DDHD1: variants seen among roughly 807,000 people sequenced by gnomAD.
DDHD1 encodes DDHD domain containing 1, also known as phospholipase DDHD1.
In DDHD1, 49 loss-of-function variants were observed where a neutral mutation model predicts 96.4. That is an observed-to-expected ratio of 0.51 (90% CI 0.40 to 0.64). DDHD1 has a LOEUF of 0.64. Among genes scored for constraint, DDHD1 ranks in the 30% least tolerant of loss-of-function variants. The pLI, the probability that DDHD1 is intolerant of heterozygous loss-of-function variation, is 0.00. For synonymous variants in DDHD1, 442 were observed against 446.5 expected, an observed-to-expected ratio of 0.99 and a Z score of 0.13; for missense variants, 1,106 against 1,161.2, an observed-to-expected ratio of 0.95 and a Z score of 0.69.
rs1392989297 is a variant in DDHD1, at chr14:53,058,911, AG to A, written c.1843-286del. Among the ~76,000 whole-genome samples the A allele has an allele frequency of 2.6e-5, 4 of 152,322 alleles. No homozygotes were observed. The East Asian group carries it at 7.7e-4, about 29-fold the overall frequency. On this transcript the variant is annotated intron_variant, in intron 8 of 12. Transcript: ENST00000673822. Reference sequence around the variant, plus strand: ...GTATACACAAATCAAATATTTATTGAGGTACTACTTTGTGTGAAGTAATACA... The same window carrying A: ...GTATACACAAATCAAATATTTATTGAGTACTACTTTGTGTGAAGTAATACA...
intron 1 of DDHD1, among the ~76,000 whole-genome samples, chr14:53,119,539 A>G (rs748527520): frequency 1.3e-5 from 2 of 152,196 alleles, no homozygotes; most frequent in Non-Finnish European, 2.9e-5. Context: ...ATGAACATCG[A>G]TGTGAAAATC....
At position 53,041,421 on chromosome 14, in the gene DDHD1, CAAT is replaced by C. The variant is rs1881641122; in HGVS notation, c.*5344_*5346del. On this transcript the variant is annotated 3_prime_UTR_variant, in exon 13 of 13. Coordinates refer to ENST00000673822, the MANE Select transcript of DDHD1 (RefSeq NM_001160148.2). Reference sequence around the variant, plus strand: ...ACACACCAAAAAACAAAACAAAACACAATAGTAAAAACTCTTCTCATAGTCTCC... The same window carrying C: ...ACACACCAAAAAACAAAACAAAACACAGTAAAAACTCTTCTCATAGTCTCC... 1 of 152,038 alleles carries C rather than the reference CAAT, an allele frequency of 6.6e-6. No homozygotes were observed. Among genetic ancestry groups the C allele is most frequent in the Admixed American group, 6.6e-5 (1 of 15,260 alleles). The allele number at this position is 152,038 out of a possible 1,614,324, so 9.4% of individuals were successfully genotyped here.
chr14:53,068,177 A>G (rs1375334630), intron 6 of DDHD1, among the ~76,000 whole-genome samples: 2 of 151,470 alleles, frequency 1.3e-5, no homozygotes, highest in Non-Finnish European at 2.9e-5. Flanking sequence ...TACGGTATTT[A>G]GCTACATGTC....
intron 11 of DDHD1, chr14:53,053,127 T>C (rs1192624047): frequency 6.6e-6 from 1 of 152,104 alleles, no homozygotes; most frequent in Admixed American, 6.6e-5. Context: ...CTGTTGCACA[T>C]TAATGACATT....
At chr14:53,112,587 C>A (rs1482391167) in intron 1 of DDHD1, among the ~76,000 whole-genome samples, 1 of 152,136 alleles carries the variant, frequency 6.6e-6, no homozygotes, top group Non-Finnish European at 1.5e-5. Context: ...ATATTCAACA[C>A]CTATATCTCT....
chr14:53,117,916 A>G (rs1403260740), intron 1 of DDHD1, among the ~76,000 whole-genome samples: 1 of 152,086 alleles, frequency 6.6e-6, no homozygotes, highest in Non-Finnish European at 1.5e-5. Flanking sequence ...GCCGACAGAC[A>G]CCTCAAACAG....
At chr14:53,080,203 A>C (rs760880081) in intron 4 of DDHD1, among the ~76,000 whole-genome samples, 3 of 152,122 alleles carry the variant, frequency 2.0e-5, no homozygotes, top group Non-Finnish European at 4.4e-5. Flanking sequence ...CTACTAAAAA[A>C]ACATAAAATT....
At chr14:53,094,929 A>C (rs1272318127) in intron 2 of DDHD1, among the ~76,000 whole-genome samples, 1 of 152,080 alleles carries the variant, frequency 6.6e-6, no homozygotes, top group African/African-American at 2.4e-5. Flanking sequence ...AAAAATTCCA[A>C]ACCTATTTTC....
chr14:53,084,045 CA>C (rs1885720580), intron 4 of DDHD1, among the ~76,000 whole-genome samples: 1 of 152,094 alleles, frequency 6.6e-6, no homozygotes, highest in Non-Finnish European at 1.5e-5. Context: ...GGGAATATGA[CA>C]AGTTTAGCCA....
At chr14:53,051,768 T>G in intron 12 of DDHD1, 76 bp downstream of exon 12, 1 of 1,234,730 alleles carries the variant, frequency 8.1e-7, no homozygotes, top group Non-Finnish European at 1.1e-6. Context: ...ACTGATCCAA[T>G]TTTTCAATAA....
At chr14:53,080,404 C>T (rs1174503212) in intron 4 of DDHD1, among the ~76,000 whole-genome samples, 1 of 152,062 alleles carries the variant, frequency 6.6e-6, no homozygotes, top group Non-Finnish European at 1.5e-5. Flanking sequence ...GAGCCATTTC[C>T]TTTTCTGGGA....
At chr14:53,047,281 C>T (rs1882098054) in intron 12 of DDHD1, among the ~76,000 whole-genome samples, 1 of 152,102 alleles carries the variant, frequency 6.6e-6, no homozygotes, top group Non-Finnish European at 1.5e-5. Flanking sequence ...ATCCTTGTGC[C>T]TAATCTATAA....
chr14:53,152,962 C>A lies in DDHD1; in HGVS notation c.137G>T (p.Gly46Val). ...GGVCCFEHLP[G>V]GDPDDGDVPL... ...CACGTCGCCGTCGTCCGGGTCCCCG[C>A]CGGGCAGGTGCTCGAAGCAGCAGAC... The change falls in exon 1 of 13, where the codon GGC (glycine) becomes GTC (valine). Residue 46 changes from glycine (G) to valine (V), a missense_variant. Physicochemically the swap from Gly to Val is moderately radical, Grantham distance 109. Transcript: ENST00000673822. 1 of 1,586,624 alleles carries A rather than the reference C, an allele frequency of 6.3e-7. No homozygotes were observed. The highest frequency in any genetic ancestry group is 8.6e-7 in the Non-Finnish European group (1 of 1,169,168).
intron 1 of DDHD1, among the ~76,000 whole-genome samples, chr14:53,112,300 C>A (rs1211620145): frequency 6.6e-6 from 1 of 151,962 alleles, no homozygotes; most frequent in African/African-American, 2.4e-5. Context: ...TCCTGTAGTC[C>A]CAACTACTTG....
intron 6 of DDHD1, among the ~76,000 whole-genome samples, chr14:53,068,903 T>G (rs762024812): frequency 1.2e-4 from 18 of 152,222 alleles, no homozygotes; most frequent in Non-Finnish European, 2.1e-4. Flanking sequence ...AATCCTACCA[T>G]GATAGCTGCA....
At chr14:53,132,652 C>A (rs899564147) in intron 1 of DDHD1, among the ~76,000 whole-genome samples, 1 of 152,204 alleles carries the variant, frequency 6.6e-6, no homozygotes, top group Non-Finnish European at 1.5e-5. Context: ...CATGCTGTTA[C>A]ATGGGCAGAA....
intron 1 of DDHD1, among the ~76,000 whole-genome samples, chr14:53,108,613 A>G (rs7158644): frequency 0.71 from 108,209 of 152,224 alleles, 42,331 homozygotes; most frequent in East Asian, 0.96. Flanking sequence ...GGAATTTTCC[A>G]TTTAATATTT....
chr14:53,130,192 C>T (rs886414473), intron 1 of DDHD1, among the ~76,000 whole-genome samples: 5 of 152,312 alleles, frequency 3.3e-5, no homozygotes, highest in South Asian at 2.1e-4. Context: ...TCCTCACACC[C>T]GGTCTAGATT....
chr14:53,064,057 A>C (rs1406701646), intron 6 of DDHD1, among the ~76,000 whole-genome samples: 1 of 152,088 alleles, frequency 6.6e-6, no homozygotes, highest in Non-Finnish European at 1.5e-5. Context: ...GTACATAAAC[A>C]TCTTCTAAGA....
Sources: gnomAD v4.1 joint callset for allele counts (sites outside exome capture counted in the v4.1 genomes callset) on GRCh38, gnomAD v4.1.1 for gene constraint, MANE v1.5 for transcripts, NCBI Gene and HGNC (gene_info 2026-07-23, HGNC 2026-07-21) for gene names.